Variants in STK24 observed in about 807,000 individuals in gnomAD.
STK24 encodes the protein serine/threonine kinase 24.
In STK24, 21 loss-of-function variants were observed where a neutral mutation model predicts 55.6. The observed-to-expected ratio is 0.38, with a 90% confidence interval of 0.27 to 0.54. The LOEUF is 0.54. Ranked by LOEUF, STK24 falls within the 20% of genes least tolerant of loss-of-function variation. The pLI, the probability that STK24 is intolerant of heterozygous loss-of-function variation, is 0.79. For missense variants in STK24, 383 were observed against 538.4 expected (o/e 0.71, Z 2.86); for synonymous variants, 200 against 215.2 (o/e 0.93, Z 0.62).
chr13:98,504,809 A>G (rs952544486), intron 2 of STK24, among the ~76,000 whole-genome samples: 1 of 152,156 alleles, frequency 6.6e-6, no homozygotes, highest in Non-Finnish European at 1.5e-5. Context: ...GAGAAACAAC[A>G]GCCTCCAGTA....
intron 8 of STK24, among the ~76,000 whole-genome samples, chr13:98,461,054 A>AG (rs1555301293): frequency 1.7e-4 from 24 of 143,738 alleles, no homozygotes; most frequent in South Asian, 2.2e-4. Context: ...AAAAAAAAAA[A>AG]AGAGAGAGAG....
chr13:98,550,880 C>A (rs1897141462), intron 1 of STK24, among the ~76,000 whole-genome samples: 1 of 152,010 alleles, frequency 6.6e-6, no homozygotes, highest in Admixed American at 6.6e-5. Flanking sequence ...AAAAAGAAAA[C>A]CTTCTGAATC....
intron 2 of STK24, among the ~76,000 whole-genome samples, chr13:98,509,713 C>A (rs1441537174): frequency 6.6e-6 from 1 of 152,190 alleles, no homozygotes. Flanking sequence ...TCTCCTACAC[C>A]CAGCAGACTG....
intron 7 of STK24, among the ~76,000 whole-genome samples, chr13:98,462,642 C>G (rs543303390): frequency 6.6e-6 from 1 of 152,072 alleles, no homozygotes; most frequent in African/African-American, 2.4e-5. Context: ...TTTTTTCTCT[C>G]GGCTCAAGTG....
rs1346197093 is a variant in STK24 at position 98,522,152 on chromosome 13, T to C, written c.43-2679A>G. ...AGCCTTGTCAACCACGCCCTCCCCC[T>C]CCTCTGGGTAACTTTCCAGTCCTTT... On this transcript the variant is annotated intron_variant, in intron 1 of 10. Transcript: ENST00000539966. The C allele has an allele frequency of 6.2e-6, 6 of 971,510 alleles. No homozygotes were observed. The Admixed American group carries it at 3.7e-4, about 60-fold the overall frequency. The allele number at this position is 971,510 out of a possible 1,614,324, so 60.2% of individuals were successfully genotyped here.
At position 98,482,843 on chromosome 13, in the gene STK24, G is replaced by A. The variant is rs114539002; in HGVS notation, c.274-522C>T. Among the ~76,000 whole-genome samples, 501 of 152,248 alleles carry A rather than the reference G, an allele frequency of 3.3e-3. 4 individuals carry two copies. Among genetic ancestry groups the A allele is most frequent in the African/African-American group, 0.011 (474 of 41,554 alleles). ...GGAGGGGCCGCCTAGCGTGGCCTCC[G>A]ACTCACTTGCCTGTTTGGCAGAAGG... On this transcript the variant is annotated intron_variant, in intron 2 of 10. Transcript: ENST00000539966.
chr13:98,502,081 C>T (rs9517327), intron 2 of STK24, among the ~76,000 whole-genome samples: 38,760 of 152,052 alleles, frequency 0.25, 5,135 homozygotes, highest in Non-Finnish European at 0.3. Flanking sequence ...TCTGCCCCAA[C>T]CCTGGCCTCT....
chr13:98,463,863 G>C (rs1457205015), intron 6 of STK24, 27 bp from the exon 7 acceptor site: 2 of 1,608,602 alleles, frequency 1.2e-6, no homozygotes, highest in African/African-American at 1.3e-5. Context: ...AACAATTAAA[G>C]TATGAGATGA....
At chr13:98,466,286 A>G (rs1477822942) in intron 6 of STK24, 90 bp downstream of exon 6, 2 of 1,296,064 alleles carry the variant, frequency 1.5e-6, no homozygotes, top group Middle Eastern at 2.8e-4. Flanking sequence ...AGACAGCTGA[A>G]AAGAGTGATT....
chr13:98,565,274 AG>A (rs1217943756), intron 1 of STK24, among the ~76,000 whole-genome samples: 2 of 152,042 alleles, frequency 1.3e-5, no homozygotes, highest in Non-Finnish European at 2.9e-5. Context: ...CCAGGGCAGC[AG>A]GGCAGAGCCT....
chr13:98,480,827 G>A (rs948883488), intron 3 of STK24, among the ~76,000 whole-genome samples: 1 of 152,230 alleles, frequency 6.6e-6, no homozygotes, highest in Non-Finnish European at 1.5e-5. Flanking sequence ...GGGCTCAAGT[G>A]ATCCTCCCAC....
chr13:98,513,077 C>T (rs1286349751), intron 2 of STK24, among the ~76,000 whole-genome samples: 1 of 152,228 alleles, frequency 6.6e-6, no homozygotes, highest in Non-Finnish European at 1.5e-5. Flanking sequence ...ATCCGCCTTC[C>T]CAGGCGCTGT....
chr13:98,490,830 TAAA>T (rs141888833), intron 2 of STK24, among the ~76,000 whole-genome samples: 4 of 134,972 alleles, frequency 3.0e-5, no homozygotes, highest in African/African-American at 5.4e-5. Context: ...CAGCCTACAT[TAAA>T]AAAAAAAAAA....
intron 1 of STK24, among the ~76,000 whole-genome samples, chr13:98,535,302 A>C (rs1566391659): frequency 7.1e-6 from 1 of 141,566 alleles, no homozygotes; most frequent in Non-Finnish European, 1.6e-5. Context: ...ACGCCATTGC[A>C]CTCCAGCCTG....
intron 2 of STK24, among the ~76,000 whole-genome samples, chr13:98,516,223 C>G (rs1896052361): frequency 6.6e-6 from 1 of 152,182 alleles, no homozygotes; most frequent in Non-Finnish European, 1.5e-5. Context: ...TGTATGTAGC[C>G]AAATAAGACA....
At chr13:98,536,188 G>GGGCA (rs1258277817) in intron 1 of STK24, among the ~76,000 whole-genome samples, 1 of 152,098 alleles carries the variant, frequency 6.6e-6, no homozygotes, top group Non-Finnish European at 1.5e-5. Flanking sequence ...TCCCTAGGTG[G>GGGCA]GGCAGCAAGG....
At chr13:98,457,101 A>C in intron 10 of STK24, 67 bp downstream of exon 10, 1 of 1,566,626 alleles carries the variant, frequency 6.4e-7, no homozygotes, top group Non-Finnish European at 8.6e-7. Context: ...TACCAAACTC[A>C]TCAACTAAGT....
intron 1 of STK24, among the ~76,000 whole-genome samples, chr13:98,557,145 C>G (rs1394480489): frequency 1.3e-5 from 2 of 152,158 alleles, no homozygotes; most frequent in Admixed American, 1.3e-4. Flanking sequence ...AGTCTGGGAT[C>G]TGAAACACAG....
At chr13:98,527,531 C>T (rs1896465974) in intron 1 of STK24, among the ~76,000 whole-genome samples, 1 of 152,236 alleles carries the variant, frequency 6.6e-6, no homozygotes, top group Non-Finnish European at 1.5e-5. Flanking sequence ...GGAGCCCTGA[C>T]ACAGAGGCTG....
Sources: allele counts gnomAD v4.1 joint callset (sites outside exome capture counted in the v4.1 genomes callset), GRCh38; gene constraint gnomAD v4.1.1; transcripts MANE v1.5; gene names NCBI Gene and HGNC (gene_info 2026-07-23, HGNC 2026-07-21).